Variants in TRDN observed in about 807,000 individuals in gnomAD.
The protein encoded by TRDN is triadin, also known as triadin in skeletal muscle.
TRDN carries 161 observed loss-of-function variants against 149.7 expected under a neutral mutation model. The ratio of observed to expected loss-of-function variants is 1.08; its 90% CI spans 0.95 to 1.23. TRDN has a LOEUF of 1.23. Ranked by LOEUF, TRDN falls within the 50% of genes most tolerant of loss-of-function variation. TRDN has a pLI of 0.00. For synonymous variants in TRDN, 294 were observed against 250.5 expected, an observed-to-expected ratio of 1.17 and a Z score of -1.64; for missense variants, 896 against 823.5, an observed-to-expected ratio of 1.09 and a Z score of -1.08.
chr6:123,502,079 G>T, intron 8 of TRDN: 1 of 983,858 alleles, frequency 1.0e-6, no homozygotes, highest in Non-Finnish European at 1.2e-6. Flanking sequence ...TGTATTTATG[G>T]TTAAAAATTA....
chr6:123,488,480 G>A (rs566114419), intron 9 of TRDN, among the ~76,000 whole-genome samples: 15 of 152,000 alleles, frequency 9.9e-5, no homozygotes, highest in African/African-American at 3.1e-4. Context: ...CCTTCTTAAG[G>A]TATCCTTTTA....
chr6:123,316,313 T>C (rs1779018498), intron 24 of TRDN, 144 bp downstream of exon 24: 1 of 766,548 alleles, frequency 1.3e-6, no homozygotes, highest in Non-Finnish European at 2.1e-6. Context: ...ACTTGTAAAA[T>C]ATATGGCACA....
At chr6:123,548,364 T>G in intron 3 of TRDN, 90 bp downstream of exon 3, 1 of 1,095,140 alleles carries the variant, frequency 9.1e-7, no homozygotes, top group Non-Finnish European at 1.2e-6. Flanking sequence ...TTGACCCAAG[T>G]GCTCATTTGA....
intron 7 of TRDN, among the ~76,000 whole-genome samples, chr6:123,506,293 G>A (rs1013416732): frequency 6.6e-6 from 1 of 151,982 alleles, no homozygotes; most frequent in Non-Finnish European, 1.5e-5. Flanking sequence ...AATTAAAACC[G>A]TGCAATATCT....
chr6:123,386,885 T>C (rs1029619181), intron 14 of TRDN, among the ~76,000 whole-genome samples: 1 of 152,166 alleles, frequency 6.6e-6, no homozygotes, highest in Non-Finnish European at 1.5e-5. Flanking sequence ...AGTAATAAAT[T>C]GTCTCAATCT....
chr6:123,497,916 A>G (rs1010585795), intron 8 of TRDN, among the ~76,000 whole-genome samples: 5 of 152,164 alleles, frequency 3.3e-5, no homozygotes, highest in African/African-American at 1.2e-4. Context: ...GTGAAAGTAA[A>G]CAAACAAACA....
chr6:123,403,159 A>G (rs1307828012), intron 12 of TRDN, among the ~76,000 whole-genome samples: 3 of 152,220 alleles, frequency 2.0e-5, no homozygotes, highest in Non-Finnish European at 2.9e-5. Context: ...AATCTATAAG[A>G]AAAATCCAAA....
intron 12 of TRDN, among the ~76,000 whole-genome samples, chr6:123,398,192 A>C (rs2114476037): frequency 6.6e-6 from 1 of 152,260 alleles, no homozygotes; most frequent in African/African-American, 2.4e-5. Flanking sequence ...TTTTCAGTAA[A>C]GTCAGGGTTT....
chr6:123,418,884 G>A (rs540208627), intron 12 of TRDN, among the ~76,000 whole-genome samples: 2 of 152,176 alleles, frequency 1.3e-5, no homozygotes, highest in African/African-American at 4.8e-5. Flanking sequence ...TTACCTGGCA[G>A]AAGAGAATCA....
intron 12 of TRDN, among the ~76,000 whole-genome samples, chr6:123,398,305 G>T (rs555852898): frequency 6.6e-6 from 1 of 152,056 alleles, no homozygotes; most frequent in Non-Finnish European, 1.5e-5. Context: ...GTGCCTGGCC[G>T]ACCGTTCTTA....
chr6:123,411,094 T>C (rs1489082322), intron 12 of TRDN, among the ~76,000 whole-genome samples: 1 of 150,254 alleles, frequency 6.7e-6, no homozygotes, highest in Non-Finnish European at 1.5e-5. Context: ...TTGCCCAGGC[T>C]GGAGTGCAGT....
intron 21 of TRDN, chr6:123,350,655 G>A: frequency 1.3e-6 from 1 of 755,068 alleles, no homozygotes; most frequent in Non-Finnish European, 1.6e-6. Flanking sequence ...TCAGTTATTA[G>A]TAATAGATAT....
chr6:123,485,062 C>T (rs765302583), intron 9 of TRDN, among the ~76,000 whole-genome samples: 1 of 152,154 alleles, frequency 6.6e-6, no homozygotes, highest in African/African-American at 2.4e-5. Flanking sequence ...CAATCTGATA[C>T]ATTTATCTTG....
chr6:123,483,464 G>GA (rs1042384283), intron 9 of TRDN, among the ~76,000 whole-genome samples: 2 of 151,928 alleles, frequency 1.3e-5, no homozygotes, highest in African/African-American at 4.8e-5. Context: ...TATTTGGGAT[G>GA]AAAAAAATGG....
intron 15 of TRDN, 95 bp downstream of exon 15, chr6:123,382,023 C>A: frequency 4.4e-6 from 4 of 916,178 alleles, no homozygotes; most frequent in African/African-American, 1.8e-5. Flanking sequence ...CTCTATCCCA[C>A]ACATAATTCT....
chr6:123,581,517 CTT>C, intron 1 of TRDN, among the ~76,000 whole-genome samples: 1 of 152,118 alleles, frequency 6.6e-6, no homozygotes, highest in African/African-American at 2.4e-5. Flanking sequence ...AGGAAATCAG[CTT>C]TAAAAAGTGT....
chr6:123,480,446 A>G (rs1777698735), intron 9 of TRDN, among the ~76,000 whole-genome samples: 1 of 152,096 alleles, frequency 6.6e-6, no homozygotes, highest in African/African-American at 2.4e-5. Flanking sequence ...TACAGAAGAG[A>G]TATCAGTTCT....
chr6:123,610,005 A>C (rs1784720389), intron 1 of TRDN, among the ~76,000 whole-genome samples: 1 of 152,138 alleles, frequency 6.6e-6, no homozygotes, highest in African/African-American at 2.4e-5. Flanking sequence ...TTTTTCAATA[A>C]ACTAAAGTTA....
chr6:123,410,570 T>C (rs1773390836), intron 12 of TRDN, among the ~76,000 whole-genome samples: 1 of 152,144 alleles, frequency 6.6e-6, no homozygotes, highest in Admixed American at 6.5e-5. Context: ...AATAAGTGAC[T>C]AGGGAATTTA....
Sources: gnomAD v4.1 joint callset for allele counts (sites outside exome capture counted in the v4.1 genomes callset) on GRCh38, gnomAD v4.1.1 for gene constraint, MANE v1.5 for transcripts, NCBI Gene and HGNC (gene_info 2026-07-23, HGNC 2026-07-21) for gene names.